Variants in DYNC2H1 observed in about 807,000 individuals in gnomAD.
The protein encoded by DYNC2H1 is cytoplasmic dynein 2 heavy chain 1.
In DYNC2H1, 410 loss-of-function variants were observed where a neutral mutation model predicts 570.0. The ratio of observed to expected loss-of-function variants is 0.72; its 90% confidence interval spans 0.66 to 0.78. DYNC2H1 has a LOEUF of 0.78. Among genes scored for constraint, DYNC2H1 ranks in the 30% least tolerant of loss-of-function variants. The pLI is 0.00. For missense variants in DYNC2H1, 4,865 were observed against 5,046.4 expected (o/e 0.96, Z 1.09); for synonymous variants, 1,688 against 1,677.6 (o/e 1.01, Z -0.15).
In DYNC2H1 at chr11:103,275,564, A is replaced by T. The variant is rs1446985425; in HGVS notation, c.10696-4784A>T. On this transcript the variant is annotated intron_variant, in intron 70 of 88. Coordinates refer to ENST00000375735, the MANE Select transcript of DYNC2H1 (RefSeq NM_001377.3). This position sits in a 1 kb window ranked among gnomAD's most constrained non-coding sequence, Gnocchi z 4.8. ...CTGCCTATAGTTTTGCCTGTTCCAA[A>T]TTATATTCTAATTATATTTGTCATA... 1.3e-5 allele frequency among the ~76,000 whole-genome samples: 2 copies of T among 152,168 alleles called. No individual in the cohort carries two copies. Among genetic ancestry groups the T allele is most frequent in the African/African-American group, 4.8e-5 (2 of 41,436 alleles).
chr11:103,121,047 A>G lies in DYNC2H1; in HGVS notation c.1360+11A>G. 1 of 1,484,810 alleles carries G rather than the reference A, an allele frequency of 6.7e-7. No individual in the cohort carries two copies. The highest frequency in any genetic ancestry group is 2.4e-5 in the East Asian group (1 of 41,760). 92.0% of individuals were successfully genotyped at this position (1,484,810 alleles called of 1,614,324 possible). Reference sequence around the variant, plus strand: ...TGGACTCAATTAAAGGTAAAAGTTTATGAGATTATAGTGTTTGCTTGAGAG... The same window carrying G: ...TGGACTCAATTAAAGGTAAAAGTTTGTGAGATTATAGTGTTTGCTTGAGAG... On this transcript the variant is annotated intron_variant, in intron 9 of 88. Transcript: ENST00000375735.
chr11:103,396,587 C>T (rs1260412581), intron 83 of DYNC2H1, among the ~76,000 whole-genome samples: 1 of 152,180 alleles, frequency 6.6e-6, no homozygotes, highest in East Asian at 1.9e-4. Flanking sequence ...AAGAATGCTA[C>T]TTTCATGTGT....
chr11:103,436,687 A>G (rs775257878), intron 85 of DYNC2H1, among the ~76,000 whole-genome samples: 24 of 152,026 alleles, frequency 1.6e-4, no homozygotes, highest in Admixed American at 3.3e-4. Context: ...GTCTGTTCAC[A>G]TTTGTCATCA....
In DYNC2H1 at chr11:103,163,076, T is replaced by C; in HGVS notation, c.4540T>C (p.Leu1514=). Residue 1514 remains leucine (L), a synonymous_variant, in exon 30 of 89, where the codon TTG becomes CTG. Transcript: ENST00000375735. This position sits in a 1 kb window ranked among gnomAD's most constrained non-coding sequence, Gnocchi z 4.6. ...AGAAATGAAGAAAACTTTGGAACAG[T>C]TGTTGAAGGAATGTGTTACTACTGG... ...ALEMKKTLEQ[L]LKECVTTGRS... is the part of the protein sequence containing the mutation. 1 of 1,613,286 alleles carries C rather than the reference T, an allele frequency of 6.2e-7. No individual in the cohort carries two copies. Among genetic ancestry groups the C allele is most frequent in the Non-Finnish European group, 8.5e-7 (1 of 1,179,380 alleles).
intron 80 of DYNC2H1, among the ~76,000 whole-genome samples, chr11:103,317,032 G>A (rs1022790216): frequency 6.6e-6 from 1 of 152,090 alleles, no homozygotes; most frequent in Non-Finnish European, 1.5e-5. Context: ...AAACACAGCA[G>A]CAAATAAAGC....
At chr11:103,113,334 CTT>C (rs920988640) in intron 1 of DYNC2H1, among the ~76,000 whole-genome samples, 4 of 152,040 alleles carry the variant, frequency 2.6e-5, no homozygotes, top group Admixed American at 2.6e-4. Flanking sequence ...ATCAAAGTGA[CTT>C]TATGATCTAA....
intron 88 of DYNC2H1, among the ~76,000 whole-genome samples, 166 bp from the exon 89 acceptor site, chr11:103,478,929 G>A (rs556898270): frequency 8.0e-4 from 122 of 152,218 alleles, no homozygotes; most frequent in African/African-American, 2.8e-3. Flanking sequence ...AATAAAACAC[G>A]ATAGGCCATG....
At position 103,409,787 on chromosome 11, in the gene DYNC2H1, G is replaced by C. The variant is rs185128139; in HGVS notation, c.12366+9915G>C. 7.2e-5 allele frequency: 11 copies of C among 152,678 alleles called. No homozygotes were observed. The East Asian group carries it at 2.1e-3, about 29-fold the overall frequency. The allele number at this position is 152,678 out of a possible 1,614,324, so 9.5% of individuals were successfully genotyped here. A position where few individuals can be genotyped will look rare whatever the true frequency, so the allele number is the denominator to read the frequency against. ...CTCTTCAGCTGTTCTTGGGTAGCTT[G>C]TCTGGTTTCAGGGGACTTGGCTATG... On this transcript the variant is annotated intron_variant, in intron 84 of 88. Transcript: ENST00000375735.
Position 103,163,040 on chromosome 11 carries a change from G to A in DYNC2H1, c.4504G>A (p.Asp1502Asn). Residue 1502 changes from aspartate to asparagine, a missense_variant, in exon 30 of 89, where the codon GAT becomes AAT. Coordinates refer to ENST00000375735, the MANE Select transcript of DYNC2H1 (RefSeq NM_001377.3). The surrounding 1 kb of genome is among the most constrained non-coding windows in gnomAD (Gnocchi z 4.6). Reference sequence around the variant, plus strand: ...ATTTCTTTTTCAGACATGGTTGAATGATTTGGCCTTAGAAATGAAGAAAAC... The same window carrying A: ...ATTTCTTTTTCAGACATGGTTGAATAATTTGGCCTTAGAAATGAAGAAAAC... ...LSNNVETWLN[D>N]LALEMKKTLE... The A allele has an allele frequency of 6.2e-7, 1 of 1,611,044 alleles. No homozygotes were observed. The highest frequency in any genetic ancestry group is 2.2e-5 in the East Asian group (1 of 44,808).
At chr11:103,437,618 T>C (rs1944110348) in intron 85 of DYNC2H1, among the ~76,000 whole-genome samples, 1 of 152,164 alleles carries the variant, frequency 6.6e-6, no homozygotes, top group South Asian at 2.1e-4. Flanking sequence ...TGTATATACC[T>C]GGACATAATT....
chr11:103,148,234 G>A (rs1457885022), intron 19 of DYNC2H1, among the ~76,000 whole-genome samples: 1 of 152,002 alleles, frequency 6.6e-6, no homozygotes, highest in African/African-American at 2.4e-5. Context: ...TATAAAAGAC[G>A]AAAAATGCAG....
chr11:103,281,396 A>G (rs978960309), intron 71 of DYNC2H1, among the ~76,000 whole-genome samples: 4 of 152,084 alleles, frequency 2.6e-5, no homozygotes, highest in South Asian at 2.1e-4. Flanking sequence ...AGTATAAACA[A>G]ATTGTCATTG....
intron 66 of DYNC2H1, 85 bp downstream of exon 66, chr11:103,253,533 T>G: frequency 8.1e-7 from 1 of 1,235,268 alleles, no homozygotes. Flanking sequence ...AGCTATTTTG[T>G]TAGACTAATT....
rs141832000 is a variant in DYNC2H1 at position 103,330,255 on chromosome 11, C to A, written c.12039+6265C>A. ...TATCTGAATAAATATATGTACTTTTCATTTCATTGCTGAAGAAAAACTTTT... is the reference window on the plus strand; with the variant it reads ...TATCTGAATAAATATATGTACTTTTAATTTCATTGCTGAAGAAAAACTTTT... On this transcript the variant is annotated intron_variant, in intron 82 of 88. Coordinates refer to ENST00000375735, the MANE Select transcript of DYNC2H1 (RefSeq NM_001377.3). Among the ~76,000 whole-genome samples the A allele has an allele frequency of 3.1e-3, 477 of 152,142 alleles. 3 individuals carry two copies. Among genetic ancestry groups the A allele is most frequent in the African/African-American group, 0.011 (452 of 41,536 alleles).
intron 70 of DYNC2H1, among the ~76,000 whole-genome samples, chr11:103,270,192 CAAAAAAA>C (rs60584003): frequency 8.0e-6 from 1 of 125,314 alleles, no homozygotes; most frequent in Non-Finnish European, 1.7e-5. Flanking sequence ...GATTCCATCT[CAAAAAAA>C]AAAAAAAAAA....
At chr11:103,327,174 C>T (rs11225717) in intron 82 of DYNC2H1, among the ~76,000 whole-genome samples, 9,911 of 151,962 alleles carry the variant, frequency 0.065, 1,104 homozygotes, top group African/African-American at 0.23. Flanking sequence ...CATCCACTCT[C>T]GGTAGTGTTT....
At chr11:103,381,923 C>T (rs1941665240) in intron 83 of DYNC2H1, among the ~76,000 whole-genome samples, 1 of 152,074 alleles carries the variant, frequency 6.6e-6, no homozygotes, top group Non-Finnish European at 1.5e-5. Context: ...ATTTTAACAT[C>T]TTATTTTTGT....
intron 84 of DYNC2H1, among the ~76,000 whole-genome samples, chr11:103,413,519 G>A (rs1044132138): frequency 6.6e-6 from 1 of 152,098 alleles, no homozygotes; most frequent in African/African-American, 2.4e-5. Context: ...AGCCTGTACT[G>A]TAATTCTGAT....
chr11:103,343,718 C>CAATAA (rs111312968), intron 82 of DYNC2H1, among the ~76,000 whole-genome samples: 24,407 of 151,504 alleles, frequency 0.16, 2,100 homozygotes, highest in Admixed American at 0.25. Flanking sequence ...CCTTGTCAAT[C>CAATAA]AATAAAATAA....
Sources: gnomAD v4.1 joint callset for allele counts (sites outside exome capture counted in the v4.1 genomes callset) on GRCh38, gnomAD v4.1.1 for gene constraint, Gnocchi (gnomAD v3.1) non-coding constraint, MANE v1.5 for transcripts, NCBI Gene and HGNC (gene_info 2026-07-23, HGNC 2026-07-21) for gene names.